Variants in KLF8 observed in about 807,000 individuals in gnomAD.
KLF8 encodes the protein Krueppel-like factor 8.
A neutral mutation model predicts 18.2 loss-of-function variants in KLF8; 10 were observed. The observed-to-expected ratio is 0.55, with a 90% CI of 0.34 to 0.93. KLF8 has a LOEUF of 0.93. Ranked by LOEUF, KLF8 falls within the 40% of genes least tolerant of loss-of-function variation. The pLI, the probability that KLF8 is intolerant of heterozygous loss-of-function variation, is 0.02. For synonymous variants in KLF8, 109 were observed against 97.3 expected, an observed-to-expected ratio of 1.12 and a Z score of -0.71; for missense variants, 264 against 277.9, an observed-to-expected ratio of 0.95 and a Z score of 0.36.
the KLF8 span, among the ~76,000 whole-genome samples, chrX:56,028,512 C>T: frequency 9.0e-6 from 1 of 111,569 alleles, no homozygotes; most frequent in South Asian, 3.8e-4. Context: ...ATCCACAGTC[C>T]TCCAGGTGCC....
the KLF8 span, among the ~76,000 whole-genome samples, chrX:56,219,926 T>C: frequency 8.9e-6 from 1 of 112,188 alleles, no homozygotes; most frequent in Non-Finnish European, 1.9e-5. Flanking sequence ...TACAATCTGG[T>C]ATGTACTTGG....
chrX:56,163,303 G>T, the KLF8 span, among the ~76,000 whole-genome samples: 1 of 111,600 alleles, frequency 9.0e-6, no homozygotes, highest in Non-Finnish European at 1.9e-5. Flanking sequence ...GGTGTGACAT[G>T]GTATCTAACT....
the KLF8 span, among the ~76,000 whole-genome samples, chrX:56,141,426 G>A: frequency 1.8e-5 from 2 of 110,680 alleles, no homozygotes; most frequent in African/African-American, 6.5e-5. Flanking sequence ...ATGAATAGCT[G>A]GTTTGCCAAG....
At chrX:55,990,494 C>T in the KLF8 span, among the ~76,000 whole-genome samples, 1 of 112,176 alleles carries the variant, frequency 8.9e-6, no homozygotes, top group Non-Finnish European at 1.9e-5. Flanking sequence ...GTTCAGTTTA[C>T]ATGTAGTTGA....
chrX:56,272,034 G>A (rs1015583575), intron 5 of KLF8, among the ~76,000 whole-genome samples: 3 of 111,077 alleles, frequency 2.7e-5, no homozygotes, highest in African/African-American at 3.3e-5. Context: ...TTTACTTTTC[G>A]GATTTCAGTA....
chrX:56,218,524 A>T, the KLF8 span, among the ~76,000 whole-genome samples: 2 of 112,128 alleles, frequency 1.8e-5, no homozygotes, highest in South Asian at 7.5e-4. Flanking sequence ...GCAGATCATC[A>T]TTCCATCTGA....
At chrX:55,943,108 A>C in the KLF8 span, among the ~76,000 whole-genome samples, 1 of 111,043 alleles carries the variant, frequency 9.0e-6, no homozygotes, top group Non-Finnish European at 1.9e-5. Flanking sequence ...AAAAGAACAA[A>C]GGATTATTTT....
the KLF8 span, among the ~76,000 whole-genome samples, chrX:55,959,740 T>C: frequency 2.7e-5 from 3 of 111,808 alleles, no homozygotes; most frequent in South Asian, 3.7e-4. Context: ...TATGGGATTA[T>C]GTAAAGAGAC....
chrX:55,985,045 T>C, the KLF8 span, among the ~76,000 whole-genome samples: 2 of 111,072 alleles, frequency 1.8e-5, no homozygotes, highest in Non-Finnish European at 3.8e-5. Flanking sequence ...GATAAATAGA[T>C]TGCAAAATTG....
At chrX:56,074,569 G>A in the KLF8 span, 3 of 113,368 alleles carry the variant, frequency 2.6e-5, no homozygotes, top group East Asian at 8.3e-4. Context: ...AATACCCTTG[G>A]AACCCATGTC....
At chrX:55,940,194 T>A in the KLF8 span, among the ~76,000 whole-genome samples, 1 of 112,073 alleles carries the variant, frequency 8.9e-6, no homozygotes, top group African/African-American at 3.2e-5. Flanking sequence ...CACGTGGACT[T>A]CATTCCTGGG....
the KLF8 span, among the ~76,000 whole-genome samples, chrX:56,193,108 C>T: frequency 8.9e-6 from 1 of 111,989 alleles, no homozygotes; most frequent in African/African-American, 3.2e-5. Context: ...GTAAGGGACT[C>T]AAACAACTCT....
the KLF8 span, among the ~76,000 whole-genome samples, chrX:56,139,158 GACAA>G: frequency 4.5e-5 from 5 of 111,479 alleles, no homozygotes; most frequent in Non-Finnish European, 9.4e-5. Flanking sequence ...TCAGCAACAA[GACAA>G]ACAAATGGAA....
chrX:55,908,659 C>T, the KLF8 span: 1 of 287,277 alleles, frequency 3.5e-6, no homozygotes, highest in Non-Finnish European at 6.1e-6. Flanking sequence ...GGTGCCCATT[C>T]CCCCTAACTC....
chrX:56,202,995 C>G, the KLF8 span, among the ~76,000 whole-genome samples: 27 of 110,927 alleles, frequency 2.4e-4, 1 homozygote, highest in Admixed American at 1.5e-3. Context: ...TTTGGAGGAA[C>G]CTCCAAACTG....
At chrX:56,043,830 G>C in the KLF8 span, among the ~76,000 whole-genome samples, 1 of 112,606 alleles carries the variant, frequency 8.9e-6, no homozygotes, top group African/African-American at 3.2e-5. Context: ...GTCTCAGCCA[G>C]TTTTGTGCCC....
intron 2 of KLF8, among the ~76,000 whole-genome samples, chrX:56,260,467 C>T (rs948738475): frequency 1.8e-5 from 2 of 112,099 alleles, no homozygotes; most frequent in Non-Finnish European, 3.8e-5. Flanking sequence ...TAGTTTTGTG[C>T]TAGGTACTAA....
At chrX:56,195,298 G>T in the KLF8 span, among the ~76,000 whole-genome samples, 116 of 111,869 alleles carry the variant, frequency 1.0e-3, no homozygotes, top group Non-Finnish European at 1.9e-3. Flanking sequence ...ACTAAAAGTG[G>T]ATGTTCAAAC....
the KLF8 span, chrX:55,961,709 G>A: frequency 7.7e-6 from 3 of 391,687 alleles, no homozygotes; most frequent in Middle Eastern, 1.3e-3. Context: ...CTTCAGGGAT[G>A]CTGGCATGCA....
Sources: allele counts gnomAD v4.1 joint callset (sites outside exome capture counted in the v4.1 genomes callset), GRCh38; gene constraint gnomAD v4.1.1; transcripts MANE v1.5; gene names NCBI Gene and HGNC (gene_info 2026-07-23, HGNC 2026-07-21).